Variants in MMP10 observed in about 807,000 individuals in gnomAD.
The protein encoded by MMP10 is stromelysin-2.
In MMP10, 50 loss-of-function variants were observed where a neutral mutation model predicts 49.1. The observed-to-expected ratio is 1.02, with a 90% CI of 0.81 to 1.29. MMP10 has a LOEUF of 1.29. MMP10 is among the 50% of genes most tolerant of loss of function. The pLI, the probability that MMP10 is intolerant of heterozygous loss-of-function variation, is 0.00. For missense variants in MMP10, 613 were observed against 563.8 expected (o/e 1.09, Z -0.88); for synonymous variants, 229 against 201.6 (o/e 1.14, Z -1.15).
At position 102,776,583 on chromosome 11, in the gene MMP10, C is replaced by A. The variant is rs760271305; in HGVS notation, c.787+29G>T. The A allele has an allele frequency of 3.1e-6, 5 of 1,600,298 alleles. No homozygotes were observed. In the Admixed American group the frequency reaches 5.3e-5, roughly 17 times the overall value. ...CTGGAGGACTGTCATTGTAGATCTG[C>A]AATGCCTAATTTTTCCAGCATCACT... On this transcript the variant is annotated intron_variant, in intron 5 of 9. Transcript: ENST00000279441.
In MMP10 at chr11:102,775,230, C is replaced by T. The variant is rs1375613361; in HGVS notation, c.1024G>A (p.Ala342Thr). 1.2e-6 allele frequency: 2 copies of T among 1,607,994 alleles called. No individual in the cohort carries two copies. The highest frequency in any genetic ancestry group is 1.7e-5 in the Admixed American group (1 of 59,716). The change falls in exon 7 of 10, where the codon GCA becomes ACA. Residue 342 changes from alanine (A) to threonine (T), a missense_variant. Ala to Thr is a moderately conservative substitution (Grantham distance 58, BLOSUM62 0). Transcript: ENST00000279441. ...WPSLPSYLDAAYEVNSRDTVF... is the reference protein window; with the variant it reads ...WPSLPSYLDATYEVNSRDTVF... ...GTGTCCCTGCTGTTAACTTCATATG[C>T]AGCATCCAAATATGATGGAAGAGAG...
intron 4 of MMP10, among the ~76,000 whole-genome samples, chr11:102,777,172 C>G (rs1565455273): frequency 6.6e-6 from 1 of 152,130 alleles, no homozygotes; most frequent in African/African-American, 2.4e-5. Context: ...GGAACACTTG[C>G]CAGTTGCAAC....
At chr11:102,778,460 C>T (rs1049912382) in intron 4 of MMP10, among the ~76,000 whole-genome samples, 164 bp downstream of exon 4, 12 of 152,138 alleles carry the variant, frequency 7.9e-5, no homozygotes, top group Admixed American at 3.9e-4. Context: ...TTATAAAATT[C>T]TTCAATAATG....
rs571711664 is a variant in MMP10 at position 102,771,988 on chromosome 11, A to G, written c.1330+24T>C. On this transcript the variant is annotated intron_variant, in intron 9 of 9. Coordinates refer to ENST00000279441, the MANE Select transcript of MMP10 (RefSeq NM_002425.3). ...AAAAATGCCTGGAGATTCCTGCATGACAATGAAATAAGGGTCTTCTTACCA... is the reference window on the plus strand; with the variant it reads ...AAAAATGCCTGGAGATTCCTGCATGGCAATGAAATAAGGGTCTTCTTACCA... 9.2e-6 allele frequency: 12 copies of G among 1,298,200 alleles called. No homozygotes were observed. The African/African-American group carries it at 1.6e-4, about 18-fold the overall frequency. 80.4% of individuals were successfully genotyped at this position (1,298,200 alleles called of 1,614,324 possible).
intron 7 of MMP10, among the ~76,000 whole-genome samples, chr11:102,774,974 C>A (rs1862007645): frequency 6.6e-6 from 1 of 152,108 alleles, no homozygotes; most frequent in African/African-American, 2.4e-5. Context: ...GACATTTTTA[C>A]TATCTTGCAT....
chr11:102,773,553 T>G (rs1565454398), intron 7 of MMP10, among the ~76,000 whole-genome samples: 1 of 152,256 alleles, frequency 6.6e-6, no homozygotes, highest in Non-Finnish European at 1.5e-5. Flanking sequence ...ACTGCCAGAT[T>G]CACTAATCTA....
chr11:102,775,313 C>CA lies in MMP10; in HGVS notation c.940dup (p.Trp314LeufsTer9). ...TTCAGGGTTCCAGTGGGATCTTCGC[C>CA]AAAAATATCTGTAATACATAAAATT... On this transcript the variant is annotated frameshift_variant, in exon 7 of 10. Transcript: ENST00000279441. LOFTEE classifies it high-confidence loss of function. 1.2e-6 allele frequency: 2 copies of CA among 1,603,352 alleles called. No homozygotes were observed. Among genetic ancestry groups the CA allele is most frequent in the South Asian group, 1.1e-5 (1 of 88,484 alleles).
intron 3 of MMP10, 103 bp downstream of exon 3, chr11:102,779,110 G>A: frequency 6.7e-7 from 1 of 1,493,044 alleles, no homozygotes; most frequent in Non-Finnish European, 9.0e-7. Context: ...AGAATTGTGA[G>A]CAATAAATTT....
At chr11:102,773,623 C>T (rs1361889876) in intron 7 of MMP10, among the ~76,000 whole-genome samples, 4 of 152,238 alleles carry the variant, frequency 2.6e-5, no homozygotes, top group Non-Finnish European at 4.4e-5. Flanking sequence ...TTGTATCTGT[C>T]TGAGCAGTTC....
At chr11:102,779,475 A>G in intron 2 of MMP10, 29 bp downstream of exon 2, 1 of 1,612,474 alleles carries the variant, frequency 6.2e-7, no homozygotes, top group Admixed American at 1.7e-5. Context: ...AGGTTTCAAT[A>G]TTATGTGAAA....
chr11:102,775,571 T>C (rs1205157610), intron 6 of MMP10, among the ~76,000 whole-genome samples: 2 of 152,218 alleles, frequency 1.3e-5, no homozygotes, highest in East Asian at 3.9e-4. Flanking sequence ...TTTTAAAAAA[T>C]ATTATGTGTA....
intron 3 of MMP10, among the ~76,000 whole-genome samples, 171 bp downstream of exon 3, chr11:102,779,042 T>G (rs536678761): frequency 6.6e-6 from 1 of 152,244 alleles, no homozygotes; most frequent in African/African-American, 2.4e-5. Context: ...CTATGAGGAA[T>G]AGGCTCTCAT....
rs751259563 is a variant in MMP10 at position 102,776,351 on chromosome 11, G to C, written c.861C>G (p.Ala287=). The change falls in exon 6 of 10, where the codon GCC becomes GCG. Residue 287 remains alanine, a synonymous_variant. Coordinates refer to ENST00000279441, the MANE Select transcript of MMP10 (RefSeq NM_002425.3). ...KSVPSGSEMP[A]KCDPALSFDA... is the part of the protein sequence containing the mutation. ...CGAAGGACAAAGCAGGATCACACTT[G>C]GCTGGCATCTCAGATCCCGAAGGAA... The C allele has an allele frequency of 1.2e-6, 2 of 1,613,684 alleles. No homozygotes were observed. The highest frequency in any genetic ancestry group is 1.7e-6 in the Non-Finnish European group (2 of 1,179,818).
Position 102,779,199 on chromosome 11 carries a change from C to T in MMP10, c.496+14G>A, listed in dbSNP as rs1262598865. On this transcript the variant is annotated intron_variant, in intron 3 of 9. Coordinates refer to ENST00000279441, the MANE Select transcript of MMP10 (RefSeq NM_002425.3). ...GATGAATACACCAGATAAATGGATG[C>T]TTTATTTGATTACCTTTAACTGCAA... 8 of 1,611,812 alleles carry T rather than the reference C, an allele frequency of 5.0e-6. No homozygotes were observed. Among genetic ancestry groups the T allele is most frequent in the Non-Finnish European group, 5.9e-6 (7 of 1,179,736 alleles).
At position 102,776,367 on chromosome 11, in the gene MMP10, C is replaced by T. The variant is rs17860973; in HGVS notation, c.845G>A (p.Gly282Glu). ...PLVPTKSVPS[G>E]SEMPAKCDPA... Reference sequence around the variant, plus strand: ...ATCACACTTGGCTGGCATCTCAGATCCCGAAGGAACAGATTTTGTGGGCAC... The same window carrying T: ...ATCACACTTGGCTGGCATCTCAGATTCCGAAGGAACAGATTTTGTGGGCAC... Residue 282 changes from glycine (G) to glutamate (E), a missense_variant, in exon 6 of 10, where the codon GGA (glycine) becomes GAA (glutamate). Transcript: ENST00000279441. The T allele has an allele frequency of 5.2e-4, 835 of 1,613,836 alleles. 4 individuals are homozygous for T. In the African/African-American group the frequency reaches 0.01, roughly 20 times the overall value.
At chr11:102,776,548 G>A in intron 5 of MMP10, 64 bp downstream of exon 5, 1 of 1,581,204 alleles carries the variant, frequency 6.3e-7, no homozygotes, top group East Asian at 2.2e-5. Flanking sequence ...AGGTAGCACT[G>A]GAAAGCTTTC....
At chr11:102,777,914 C>T (rs1055827770) in intron 4 of MMP10, among the ~76,000 whole-genome samples, 1 of 152,098 alleles carries the variant, frequency 6.6e-6, no homozygotes, top group Non-Finnish European at 1.5e-5. Context: ...TTCAGTGATT[C>T]TCGTGCCTCA....
intron 1 of MMP10, 27 bp from the exon 2 acceptor site, chr11:102,779,772 A>G (rs1315786805): frequency 9.5e-6 from 15 of 1,586,926 alleles, no homozygotes; most frequent in Non-Finnish European, 1.3e-5. Context: ...TTTTTAGGGC[A>G]TTTTTGTGAT....
At position 102,772,257 on chromosome 11, in the gene MMP10, G is replaced by C; in HGVS notation, c.1227-142C>G. 1 of 570,172 alleles carries C rather than the reference G, an allele frequency of 1.8e-6. No individual in the cohort carries two copies. Among genetic ancestry groups the C allele is most frequent in the Non-Finnish European group, 3.0e-6 (1 of 328,966 alleles). 35.3% of individuals were successfully genotyped at this position (570,172 alleles called of 1,614,324 possible). On this transcript the variant is annotated intron_variant, in intron 8 of 9. Transcript: ENST00000279441. The surrounding 1 kb of genome is among the most constrained non-coding windows in gnomAD (Gnocchi z 4.4). ...TAAAAAAGTGTTAAACATTTTTAGAGCTACAAGAATAGGTTACTTTCCTGG... is the reference window on the plus strand; with the variant it reads ...TAAAAAAGTGTTAAACATTTTTAGACCTACAAGAATAGGTTACTTTCCTGG...
Sources: gnomAD v4.1 joint callset for allele counts (sites outside exome capture counted in the v4.1 genomes callset) on GRCh38, gnomAD v4.1.1 for gene constraint, Gnocchi (gnomAD v3.1) non-coding constraint, MANE v1.5 for transcripts, NCBI Gene and HGNC (gene_info 2026-07-23, HGNC 2026-07-21) for gene names.